GSE1: variants seen among roughly 807,000 people sequenced by gnomAD.
The protein encoded by GSE1 is Gse1 coiled-coil protein.
A neutral mutation model predicts 112.6 loss-of-function variants in GSE1; 32 were observed. That is an observed-to-expected ratio of 0.28 (90% CI 0.21 to 0.38). The LOEUF (loss-of-function observed/expected upper bound fraction) is 0.38, where lower values mean the gene tolerates loss of function less well. GSE1 is among the 10% of genes least tolerant of loss of function. The probability of loss-of-function intolerance (pLI) is 1.00; values close to 1 mark genes in which losing one functional copy is unlikely to be tolerated. For missense variants in GSE1, 2,348 were observed against 1,699.2 expected, an observed-to-expected ratio of 1.38 and a Z score of -6.71; for synonymous variants, 1,115 against 735.6, an observed-to-expected ratio of 1.52 and a Z score of -8.35.
chr16:85,267,684 T>G (rs991566100), intron 1 of GSE1, among the ~76,000 whole-genome samples: 1 of 152,176 alleles, frequency 6.6e-6, no homozygotes, highest in African/African-American at 2.4e-5. Flanking sequence ...CTTGAACACA[T>G]CCAAGCTTTC....
chr16:85,541,260 C>T (rs940501917), intron 2 of GSE1, among the ~76,000 whole-genome samples: 3 of 152,198 alleles, frequency 2.0e-5, no homozygotes, highest in African/African-American at 7.2e-5. Flanking sequence ...CTGCCAGCTG[C>T]AAGAGGACAG....
rs552114566 is a variant in GSE1, at chr16:85,337,033, G to A, written c.2284-20430G>A. ...ATATCCACAGGCACATTTGCTATGC[G>A]CTTGATGCACACTGACACATATGCA... On this transcript the variant is annotated intron_variant, in intron 1 of 2. Transcript: ENST00000637419. Among the ~76,000 whole-genome samples, 5 of 152,058 alleles carry A rather than the reference G, an allele frequency of 3.3e-5. No individual in the cohort carries two copies. The South Asian group carries it at 6.2e-4, about 19-fold the overall frequency.
At chr16:85,656,778 C>T (rs762519298) in intron 7 of GSE1, 113 bp downstream of exon 7, 64 of 1,390,158 alleles carry the variant, frequency 4.6e-5, no homozygotes, top group South Asian at 2.6e-4. Flanking sequence ...CAGCTGAGTT[C>T]GCCCTAAAAG....
At chr16:85,618,730 T>C (rs754029815) in intron 1 of GSE1, among the ~76,000 whole-genome samples, 5 of 152,240 alleles carry the variant, frequency 3.3e-5, no homozygotes, top group African/African-American at 4.8e-5. Flanking sequence ...CGATCACAGC[T>C]CACCACAGCC....
intron 1 of GSE1, among the ~76,000 whole-genome samples, chr16:85,621,287 A>C (rs558947412): frequency 7.4e-4 from 112 of 152,248 alleles, no homozygotes; most frequent in Middle Eastern, 3.4e-3. Context: ...GAACCCGTTT[A>C]GATGGTCTTG....
chr16:85,538,481 T>G (rs2044408217), intron 2 of GSE1, among the ~76,000 whole-genome samples: 1 of 152,194 alleles, frequency 6.6e-6, no homozygotes, highest in African/African-American at 2.4e-5. Flanking sequence ...GCCTTTCACC[T>G]CCTGGCATGT....
rs201842430 is a variant in GSE1 at position 85,656,392 on chromosome 16, C to T, written c.1039C>T (p.Arg347Cys). The T allele has an allele frequency of 1.2e-3, 1,900 of 1,578,340 alleles. 4 individuals carry two copies. Among genetic ancestry groups the T allele is most frequent in the Non-Finnish European group, 1.5e-3 (1,781 of 1,162,542 alleles). Residue 347 changes from arginine (R) to cysteine (C), a missense_variant, in exon 7 of 16, where the codon CGC (arginine) becomes TGC (cysteine). By Grantham distance (180) the Arg-to-Cys change is radical. Transcript: ENST00000253458. The stretch of plus-strand genomic sequence containing the variant: ...GCGGGAGAGGGAGCGCGAGCGCGAG[C>T]GCGAGCGTGAGCGTGAGGCTGACCG... ...LRREREREREREREREADRER... is the reference protein window; with the variant it reads ...LRRERERERECEREREADRER...
chr16:85,247,743 G>A (rs1906014467), intron 1 of GSE1, among the ~76,000 whole-genome samples: 1 of 152,228 alleles, frequency 6.6e-6, no homozygotes, highest in East Asian at 1.9e-4. Context: ...TGGGGCTGCT[G>A]TGAGCACTCA....
chr16:85,298,866 G>A (rs2045439575), intron 1 of GSE1, among the ~76,000 whole-genome samples: 1 of 152,244 alleles, frequency 6.6e-6, no homozygotes, highest in African/African-American at 2.4e-5. Context: ...TGGGTGTGGG[G>A]GAGCATAGGC....
rs193299820 is a variant in GSE1, at chr16:85,495,377, G to A, written c.2464+137734G>A. On this transcript the variant is annotated intron_variant, in intron 2 of 2. Coordinates refer to the GSE1 transcript ENST00000637419. ...TAGGTTGCTCAGGACACCGACAAAG[G>A]CCGATACTGTCTTGCTGGGTTTGAA... Among the ~76,000 whole-genome samples, 14 of 152,298 alleles carry A rather than the reference G, an allele frequency of 9.2e-5. 1 individual carries two copies. In the East Asian group the frequency reaches 1.3e-3, roughly 15 times the overall value.
At chr16:85,664,910 C>T (rs140022682) in intron 11 of GSE1, 105 bp from the exon 12 acceptor site, 7 of 759,346 alleles carry the variant, frequency 9.2e-6, no homozygotes, top group Non-Finnish European at 9.0e-6. Context: ...GTTTTTCGGG[C>T]TTTAGTGCTT....
At chr16:85,192,504 G>A (rs1270470114) in intron 1 of GSE1, among the ~76,000 whole-genome samples, 3 of 152,200 alleles carry the variant, frequency 2.0e-5, no homozygotes, top group African/African-American at 4.8e-5. Context: ...GCCCGTTGCT[G>A]GGTGCCCAGG....
intron 1 of GSE1, among the ~76,000 whole-genome samples, chr16:85,629,356 A>G (rs1324954301): frequency 6.6e-6 from 1 of 152,158 alleles, no homozygotes; most frequent in East Asian, 1.9e-4. Context: ...AGGAGAGAGA[A>G]TTGGCATCTG....
At chr16:85,549,567 C>T (rs1454773544) in intron 2 of GSE1, among the ~76,000 whole-genome samples, 1 of 152,204 alleles carries the variant, frequency 6.6e-6, no homozygotes, top group Non-Finnish European at 1.5e-5. Context: ...TGGTTAGATG[C>T]TCTGAGAGGA....
chr16:85,438,317 GTGCTGCTCCT>G (rs1211238824), intron 2 of GSE1, among the ~76,000 whole-genome samples: 1 of 152,204 alleles, frequency 6.6e-6, no homozygotes, highest in African/African-American at 2.4e-5. Flanking sequence ...TTCCGGGTCT[GTGCTGCTCCT>G]TGCTGGGGAA....
chr16:85,430,076 C>T (rs2049084117), intron 2 of GSE1, among the ~76,000 whole-genome samples: 1 of 152,232 alleles, frequency 6.6e-6, no homozygotes, highest in Non-Finnish European at 1.5e-5. Flanking sequence ...ATCGGGGGTT[C>T]AGTCGGAGCC....
intron 1 of GSE1, among the ~76,000 whole-genome samples, chr16:85,275,755 G>A (rs563360292): frequency 6.6e-6 from 1 of 152,214 alleles, no homozygotes; most frequent in Non-Finnish European, 1.5e-5. Context: ...GAAACCAAGC[G>A]AAGGGATGAA....
At chr16:85,639,373 C>T (rs973270591) in intron 2 of GSE1, among the ~76,000 whole-genome samples, 1 of 152,190 alleles carries the variant, frequency 6.6e-6, no homozygotes, top group Non-Finnish European at 1.5e-5. Flanking sequence ...CACAGACACC[C>T]AACCACCCCC....
At chr16:85,529,566 G>C (rs2052476722) in intron 2 of GSE1, among the ~76,000 whole-genome samples, 1 of 152,212 alleles carries the variant, frequency 6.6e-6, no homozygotes, top group Non-Finnish European at 1.5e-5. Context: ...TATGCCGAGA[G>C]GGCAGGCACC....
Sources: gnomAD v4.1 joint callset for allele counts (sites outside exome capture counted in the v4.1 genomes callset) on GRCh38, gnomAD v4.1.1 for gene constraint, MANE v1.5 for transcripts, NCBI Gene and HGNC (gene_info 2026-07-23, HGNC 2026-07-21) for gene names.